Variants in RP2 observed in about 807,000 individuals in gnomAD.
The protein encoded by RP2 is RP2 activator of ARL3 GTPase, also known as protein XRP2.
Under a neutral mutation model 20.3 loss-of-function variants are expected in RP2, and 3 were observed. The observed-to-expected ratio is 0.15, with a 90% CI of 0.07 to 0.38. RP2 has a LOEUF of 0.38. RP2 is among the 10% of genes least tolerant of loss of function. The pLI is 1.00. For synonymous variants in RP2, 75 were observed against 94.8 expected (o/e 0.79, Z 1.22); for missense variants, 233 against 268.5 (o/e 0.87, Z 0.92).
chrX:46,847,818 A>G (rs782051233), intron 1 of RP2, among the ~76,000 whole-genome samples: 112 of 79,599 alleles, frequency 1.4e-3, no homozygotes, highest in African/African-American at 5.5e-3. Context: ...ACACACATAT[A>G]TGTGTATATG....
At chrX:46,875,222 A>T (rs1226025690) in intron 3 of RP2, among the ~76,000 whole-genome samples, 6 of 108,081 alleles carry the variant, frequency 5.6e-5, no homozygotes, top group Non-Finnish European at 1.1e-4. Flanking sequence ...GGATGCTAAA[A>T]CCATTGATGA....
intron 3 of RP2, among the ~76,000 whole-genome samples, chrX:46,871,638 A>T (rs1395211358): frequency 8.9e-6 from 1 of 112,046 alleles, no homozygotes; most frequent in East Asian, 2.8e-4. Flanking sequence ...TGAATATTCT[A>T]TGTGCATCTG....
chrX:46,846,607 A>G (rs1285342265), intron 1 of RP2, among the ~76,000 whole-genome samples: 1 of 111,718 alleles, frequency 9.0e-6, no homozygotes, highest in Admixed American at 9.6e-5. Flanking sequence ...AAATTAATTA[A>G]AAATTTAAAA....
chrX:46,837,098 A>G lies in RP2; in HGVS notation c.-3A>G, dbSNP rs1924518509. 1 of 1,166,278 alleles carries G rather than the reference A, an allele frequency of 8.6e-7. No homozygotes were observed. Among genetic ancestry groups the G allele is most frequent in the Admixed American group, 2.6e-5 (1 of 38,578 alleles). On this transcript the variant is annotated 5_prime_UTR_variant, in exon 1 of 5. Coordinates refer to ENST00000218340, the MANE Select transcript of RP2 (RefSeq NM_006915.3). ...TGGCCAACGAGCTCCGCGGGCTGGG[A>G]CCATGGGCTGCTTCTTCTCCAAGAG...
chrX:46,848,827 G>A (rs966953903), intron 1 of RP2, among the ~76,000 whole-genome samples: 29 of 108,283 alleles, frequency 2.7e-4, no homozygotes, highest in African/African-American at 4.3e-4. Flanking sequence ...CCAGGAGTTC[G>A]AGACCAGCCT....
At chrX:46,865,100 A>G (rs1556322035) in intron 3 of RP2, among the ~76,000 whole-genome samples, 1 of 112,724 alleles carries the variant, frequency 8.9e-6, no homozygotes, top group Non-Finnish European at 1.9e-5. Context: ...TAACATAACC[A>G]TAGTACATTT....
intron 1 of RP2, among the ~76,000 whole-genome samples, chrX:46,839,893 A>G (rs1924585576): frequency 8.9e-6 from 1 of 112,705 alleles, no homozygotes; most frequent in Admixed American, 9.4e-5. Context: ...GTAAAAACAA[A>G]ATGGGTTGCC....
intron 2 of RP2, among the ~76,000 whole-genome samples, chrX:46,856,296 TA>T (rs1284639819): frequency 1.8e-5 from 2 of 111,904 alleles, no homozygotes; most frequent in East Asian, 2.8e-4. Context: ...CTTAACCTTT[TA>T]ACCTTTGGTA....
At chrX:46,878,182 G>A (rs1226119699) in intron 4 of RP2, among the ~76,000 whole-genome samples, 1 of 109,412 alleles carries the variant, frequency 9.1e-6, no homozygotes, top group Non-Finnish European at 1.9e-5. Context: ...AGACCATCCC[G>A]GCTAAAACGG....
At position 46,842,401 on chromosome X, in the gene RP2, A is replaced by G. The variant is rs145153885; in HGVS notation, c.102+5199A>G. On this transcript the variant is annotated intron_variant, in intron 1 of 4. Transcript: ENST00000218340. ...GAGGTAATGGATATCCCAGTTACCC[A>G]TATTTGATCATTACATTGTTGTATG... Among the ~76,000 whole-genome samples the G allele has an allele frequency of 2.8e-4, 32 of 112,522 alleles. No individual in the cohort carries two copies. The East Asian group carries it at 8.0e-3, about 28-fold the overall frequency.
intron 4 of RP2, 90 bp from the exon 5 acceptor site, chrX:46,879,596 G>T: frequency 1.9e-6 from 1 of 528,664 alleles, no homozygotes; most frequent in Non-Finnish European, 3.2e-6. Context: ...TGAATAATTA[G>T]CTTGGAACTT....
At chrX:46,847,781 TACACAC>T (rs201124300) in intron 1 of RP2, among the ~76,000 whole-genome samples, 69 of 71,281 alleles carry the variant, frequency 9.7e-4, no homozygotes, top group African/African-American at 6.1e-3. Flanking sequence ...TGTGTGTACA[TACACAC>T]ATGTGTGTGT....
At chrX:46,840,066 C>T (rs1924590068) in intron 1 of RP2, among the ~76,000 whole-genome samples, 1 of 112,116 alleles carries the variant, frequency 8.9e-6, no homozygotes, top group African/African-American at 3.2e-5. Flanking sequence ...CAACCTCTGC[C>T]TCCTGGGTTC....
At chrX:46,860,893 A>G (rs994680782) in intron 3 of RP2, among the ~76,000 whole-genome samples, 24 of 112,193 alleles carry the variant, frequency 2.1e-4, no homozygotes, top group Non-Finnish European at 4.3e-4. Context: ...ATAAACTGCA[A>G]AAATCTGTAT....
chrX:46,877,339 G>A (rs1290138172), intron 3 of RP2, among the ~76,000 whole-genome samples, 166 bp from the exon 4 acceptor site: 2 of 112,038 alleles, frequency 1.8e-5, no homozygotes, highest in Admixed American at 9.5e-5. Context: ...TATGATTAGC[G>A]TAGGAAGAAG....
chrX:46,859,318 C>CA lies in RP2; in HGVS notation c.769-662dup, dbSNP rs782398617. On this transcript the variant is annotated intron_variant, in intron 2 of 4. Transcript: ENST00000218340. ...GCAACATGGCAAGAACCTGTTTCTA[C>CA]AAAAAAAATTTTAAAAATTAGCCAG... Among the ~76,000 whole-genome samples the CA allele has an allele frequency of 8.7e-3, 945 of 108,800 alleles. 8 individuals carry two copies. The highest frequency in any genetic ancestry group is 0.026 in the South Asian group (66 of 2,544). The allele number at this position is 108,800 out of a possible 115,157, so 94.5% of individuals were successfully genotyped here. A position where few individuals can be genotyped will look rare whatever the true frequency, so the allele number is the denominator to read the frequency against.
At chrX:46,877,704 G>GTT in intron 4 of RP2, 114 bp downstream of exon 4, 1 of 260,920 alleles carries the variant, frequency 3.8e-6, no homozygotes. Flanking sequence ...AATTTTTGGG[G>GTT]TGTGTGTGTG....
chrX:46,863,469 G>T, intron 3 of RP2, among the ~76,000 whole-genome samples: 1 of 112,198 alleles, frequency 8.9e-6, no homozygotes, highest in African/African-American at 3.2e-5. Context: ...TCAGCAGTGC[G>T]CTGATTCCTG....
chrX:46,863,270 T>C (rs1265706158), intron 3 of RP2, among the ~76,000 whole-genome samples: 1 of 112,216 alleles, frequency 8.9e-6, no homozygotes, highest in Non-Finnish European at 1.9e-5. Context: ...TACTTTCAAA[T>C]GACTCAGCAA....
Sources: gnomAD v4.1 joint callset for allele counts (sites outside exome capture counted in the v4.1 genomes callset) on GRCh38, gnomAD v4.1.1 for gene constraint, MANE v1.5 for transcripts, NCBI Gene and HGNC (gene_info 2026-07-23, HGNC 2026-07-21) for gene names.